The following DIAPH1 variants were observed in gnomAD, a reference collection of about 807,000 sequenced individuals.
The protein encoded by DIAPH1 is diaphanous related formin 1, also known as protein diaphanous homolog 1.
A neutral mutation model predicts 140.7 loss-of-function variants in DIAPH1; 46 were observed. That is an observed-to-expected ratio of 0.33 (90% confidence interval 0.26 to 0.42). The LOEUF (loss-of-function observed/expected upper bound fraction) is 0.42, where lower values mean the gene tolerates loss of function less well. Ranked by LOEUF, DIAPH1 falls within the 10% of genes least tolerant of loss-of-function variation. DIAPH1 has a pLI of 1.00. For missense variants in DIAPH1, 1,310 were observed against 1,558.7 expected (o/e 0.84, Z 2.69); for synonymous variants, 565 against 551.6 (o/e 1.02, Z -0.34).
chr5:141,575,259 C>T (rs1258070311), intron 14 of DIAPH1, 113 bp from the exon 15 acceptor site: 9 of 1,021,392 alleles, frequency 8.8e-6, no homozygotes, highest in African/African-American at 3.2e-5. Context: ...TGCTGGAATC[C>T]CCCCACTGCC....
chr5:141,531,349 GC>G (rs2099888205), intron 19 of DIAPH1, among the ~76,000 whole-genome samples: 1 of 147,666 alleles, frequency 6.8e-6, no homozygotes, highest in Non-Finnish European at 1.5e-5. Flanking sequence ...TCACTCTGTT[GC>G]CCAAGCTAGA....
Position 141,529,211 on chromosome 5 carries a change from T to G in DIAPH1, c.2739A>C (p.Glu913Asp), listed in dbSNP as rs367839845. ...GCTCTGACTCAGCCAGGTCATCATATTCATCCTTCAGTTCAGAAAGCATTT... is the reference window on the plus strand; with the variant it reads ...GCTCTGACTCAGCCAGGTCATCATAGTCATCCTTCAGTTCAGAAAGCATTT... ...QLKMLSELKD[E>D]YDDLAESEQF... is the part of the protein sequence containing the mutation. The change falls in exon 21 of 28, where the codon GAA becomes GAC. Residue 913 changes from glutamate (E) to aspartate (D), a missense_variant. Glu to Asp is a conservative substitution (Grantham distance 45). Transcript: ENST00000389054. 6.2e-7 allele frequency: 1 copy of G among 1,614,070 alleles called. No individual in the cohort carries two copies. Among genetic ancestry groups the G allele is most frequent in the African/African-American group, 1.3e-5 (1 of 74,918 alleles).
chr5:141,524,342 G>T, intron 26 of DIAPH1, 113 bp from the exon 27 acceptor site: 2 of 987,428 alleles, frequency 2.0e-6, no homozygotes, highest in Non-Finnish European at 3.2e-6. Flanking sequence ...TCCCACAGCA[G>T]CTGGCAGCTA....
Position 141,584,229 on chromosome 5 carries a change from G to A in DIAPH1, c.301-4C>T, listed in dbSNP as rs767789914. ...CCTCATTCAGGTTCATATCCAGCTA[G>A]GAGAGGGAGAAAAAAGAGAAAAAAC... On this transcript the variant is annotated splice_region_variant and splice_polypyrimidine_tract_variant and intron_variant, in intron 3 of 27. Transcript: ENST00000389054. 1.3e-6 allele frequency: 2 copies of A among 1,590,600 alleles called. No homozygotes were observed. The highest frequency in any genetic ancestry group is 1.7e-5 in the Admixed American group (1 of 59,960).
At position 141,605,985 on chromosome 5, in the gene DIAPH1, T is replaced by C. The variant is rs569768212; in HGVS notation, c.117+12813A>G. Among the ~76,000 whole-genome samples, 97 of 152,256 alleles carry C rather than the reference T, an allele frequency of 6.4e-4. 1 individual carries two copies. The South Asian group carries it at 0.02, about 31-fold the overall frequency. ...ATACAAGAATCAAGAAAGAAATCAC[T>C]AGAGACCTCTAAGCCTGACACACAT... is the stretch of plus-strand genomic sequence containing the variant. On this transcript the variant is annotated intron_variant, in intron 1 of 27. Transcript: ENST00000389054.
intron 16 of DIAPH1, among the ~76,000 whole-genome samples, chr5:141,572,299 T>C (rs1411645020): frequency 6.6e-6 from 1 of 152,216 alleles, no homozygotes; most frequent in Non-Finnish European, 1.5e-5. Flanking sequence ...ATCCTCTAGC[T>C]TCATAACCAT....
At chr5:141,563,396 A>AAATATTAT (rs2099893894) in intron 18 of DIAPH1, 1 of 152,304 alleles carries the variant, frequency 6.6e-6, no homozygotes, top group African/African-American at 2.4e-5. Flanking sequence ...ACAGATACCA[A>AAATATTAT]AATATTATTA....
intron 18 of DIAPH1, among the ~76,000 whole-genome samples, chr5:141,566,238 T>C (rs2099894353): frequency 6.6e-6 from 1 of 152,066 alleles, no homozygotes; most frequent in Non-Finnish European, 1.5e-5. Context: ...TGAGGTAGGA[T>C]AGAGGACAAA....
At position 141,526,475 on chromosome 5, in the gene DIAPH1, G is replaced by C; in HGVS notation, c.3274-14C>G. On this transcript the variant is annotated splice_polypyrimidine_tract_variant and intron_variant, in intron 24 of 27. Coordinates refer to ENST00000389054, the MANE Select transcript of DIAPH1 (RefSeq NM_005219.5). Reference sequence around the variant, plus strand: ...CTTCACAAAGCTGTGCAGCCAAGGAGTAAAGGACCAAGACCAAGACCAAGA... The same window carrying C: ...CTTCACAAAGCTGTGCAGCCAAGGACTAAAGGACCAAGACCAAGACCAAGA... The C allele has an allele frequency of 6.2e-7, 1 of 1,614,078 alleles. No homozygotes were observed. The highest frequency in any genetic ancestry group is 2.2e-5 in the East Asian group (1 of 44,872).
At chr5:141,534,254 G>C in intron 19 of DIAPH1, 81 bp downstream of exon 19, 1 of 1,107,954 alleles carries the variant, frequency 9.0e-7, no homozygotes, top group South Asian at 1.2e-5. Context: ...TCCATATCAA[G>C]GGACCATAGA....
At chr5:141,575,742 T>TA (rs1236058251) in intron 14 of DIAPH1, among the ~76,000 whole-genome samples, 3 of 152,080 alleles carry the variant, frequency 2.0e-5, no homozygotes, top group Non-Finnish European at 1.5e-5. Flanking sequence ...TTTTTATAGT[T>TA]AAAAAAAATA....
intron 18 of DIAPH1, among the ~76,000 whole-genome samples, chr5:141,568,914 C>T (rs754606242): frequency 2.6e-5 from 4 of 152,132 alleles, no homozygotes; most frequent in Non-Finnish European, 2.9e-5. Context: ...AGTGCTTCTA[C>T]TAGATAAACA....
intron 1 of DIAPH1, among the ~76,000 whole-genome samples, chr5:141,590,084 A>G (rs1288437052): frequency 6.6e-6 from 1 of 152,126 alleles, no homozygotes; most frequent in African/African-American, 2.4e-5. Context: ...TCCCCAACTA[A>G]TGAAAAACTG....
intron 18 of DIAPH1, chr5:141,550,611 GTTCT>G (rs1301523591): frequency 6.5e-6 from 1 of 154,164 alleles, no homozygotes; most frequent in African/African-American, 2.4e-5. Flanking sequence ...TCCTTTCCCT[GTTCT>G]TTCTTTTCTT....
At position 141,547,111 on chromosome 5, in the gene DIAPH1, G is replaced by A. The variant is rs543440235; in HGVS notation, c.2483-12678C>T. Among the ~76,000 whole-genome samples the A allele has an allele frequency of 3.3e-5, 5 of 152,328 alleles. No homozygotes were observed. In the South Asian group the frequency reaches 1.0e-3, roughly 32 times the overall value. ...AAATCACTCTGGTTAACATGTTCTGGAATATAGAGGAAAAAATAAAAATAA... is the reference window on the plus strand; with the variant it reads ...AAATCACTCTGGTTAACATGTTCTGAAATATAGAGGAAAAAATAAAAATAA... On this transcript the variant is annotated intron_variant, in intron 18 of 27. Transcript: ENST00000389054.
At chr5:141,602,961 T>C (rs989131549) in intron 1 of DIAPH1, among the ~76,000 whole-genome samples, 1 of 152,120 alleles carries the variant, frequency 6.6e-6, no homozygotes, top group Admixed American at 6.5e-5. Context: ...TTGTGTAGAG[T>C]TGGAGTACCC....
chr5:141,516,865 C>G lies in DIAPH1; in HGVS notation c.3805G>C (p.Gly1269Arg). ...CAGGACCCACATTAGCTTGCACGGC[C>G]AACCAACTCCTTGGCTTCCTCAAGG... ...TILEEAKELV[G>R]RAS Residue 1269 changes from glycine to arginine, a missense_variant, in exon 28 of 28, where the codon GGC (glycine) becomes CGC (arginine). Physicochemically the swap from Gly to Arg is moderately radical, Grantham distance 125. Transcript: ENST00000389054. 6.2e-7 allele frequency: 1 copy of G among 1,614,214 alleles called. No homozygotes were observed. The highest frequency in any genetic ancestry group is 8.5e-7 in the Non-Finnish European group (1 of 1,180,052).
intron 3 of DIAPH1, 102 bp downstream of exon 3, chr5:141,586,940 T>C: frequency 8.0e-7 from 1 of 1,242,328 alleles, no homozygotes; most frequent in South Asian, 1.2e-5. Flanking sequence ...AAGCCTGGAA[T>C]TCTTTGTAAT....
chr5:141,540,608 G>A (rs1165790715), intron 18 of DIAPH1, among the ~76,000 whole-genome samples: 1 of 149,830 alleles, frequency 6.7e-6, no homozygotes. Context: ...TAGTGATGGG[G>A]TTTCGCCATG....
Sources: allele counts gnomAD v4.1 joint callset (sites outside exome capture counted in the v4.1 genomes callset), GRCh38; gene constraint gnomAD v4.1.1; transcripts MANE v1.5; gene names NCBI Gene and HGNC (gene_info 2026-07-23, HGNC 2026-07-21).